FER1L5: variants seen among roughly 807,000 people sequenced by gnomAD.
The protein encoded by FER1L5 is fer-1-like protein 5.
FER1L5 carries 187 observed loss-of-function variants against 279.9 expected under a neutral mutation model. That is an observed-to-expected ratio of 0.67 (90% CI 0.59 to 0.75). FER1L5 has a LOEUF of 0.75. FER1L5 is among the 30% of genes least tolerant of loss of function. The pLI is 0.00. For missense variants in FER1L5, 2,091 were observed against 2,594.4 expected (o/e 0.81, Z 4.21); for synonymous variants, 921 against 989.7 (o/e 0.93, Z 1.30).
In FER1L5 at chr2:96,700,455, A is replaced by T; in HGVS notation, c.5054A>T (p.Gln1685Leu). The T allele has an allele frequency of 6.2e-7, 1 of 1,613,626 alleles. No individual in the cohort carries two copies. Among genetic ancestry groups the T allele is most frequent in the East Asian group, 2.2e-5 (1 of 44,872 alleles). Residue 1685 changes from glutamine (Q) to leucine (L), a missense_variant, in exon 45 of 53, where the codon CAG becomes CTG. Physicochemically the swap from Gln to Leu is moderately radical, Grantham distance 113 (BLOSUM62 -2). Transcript: ENST00000624922. Reference sequence around the variant, plus strand: ...ACCCGCACACTGTACAGCCACAGCCAGCCAGGCATCGACCAGGTATGAGAC... The same window carrying T: ...ACCCGCACACTGTACAGCCACAGCCTGCCAGGCATCGACCAGGTATGAGAC... ...VETRTLYSHSQPGIDQGKVQM... is the reference protein window; with the variant it reads ...VETRTLYSHSLPGIDQGKVQM...
At chr2:96,650,383 T>C (rs368306646) in intron 6 of FER1L5, 94 bp downstream of exon 6, 3 of 1,045,630 alleles carry the variant, frequency 2.9e-6, no homozygotes, top group East Asian at 2.6e-5. Context: ...AAGGTCATGG[T>C]AGAAGGGCAG....
intron 23 of FER1L5, among the ~76,000 whole-genome samples, chr2:96,686,871 A>AC (rs2076949074): frequency 6.6e-6 from 1 of 151,478 alleles, no homozygotes; most frequent in African/African-American, 2.4e-5. Context: ...AAAAAAAAAA[A>AC]AAAAAAAACA....
rs764358931 is a variant in FER1L5 at position 96,704,362 on chromosome 2, G to A, written c.5949G>A (p.Pro1983=). Residue 1983 remains proline (P), a splice_region_variant and synonymous_variant, in exon 52 of 53, where the codon CCG becomes CCA. Coordinates refer to ENST00000624922, the MANE Select transcript of FER1L5 (RefSeq NM_001293083.2). ...TGTTTAACTTCATCTATTCAGCTCCGGTGAGTGGCAGCCATGGGGGCAAGG... is the reference window on the plus strand; with the variant it reads ...TGTTTAACTTCATCTATTCAGCTCCAGTGAGTGGCAGCCATGGGGGCAAGG... ...LMLFNFIYSA[P]HYLAMSWIKP... is the part of the protein sequence containing the mutation. 20 of 1,613,582 alleles carry A rather than the reference G, an allele frequency of 1.2e-5. No homozygotes were observed. The highest frequency in any genetic ancestry group is 4.4e-5 in the South Asian group (4 of 91,060).
chr2:96,703,500 CCCCTCACCCAT>C lies in FER1L5; in HGVS notation c.5692-22_5692-12del, dbSNP rs772102262. The stretch of plus-strand genomic sequence containing the variant: ...GCTCCTGCTGTCTGCACTCAGCCTC[CCCCTCACCCAT>C]GGTGTTCCTAGGGCAAGGTGAAGAT... On this transcript the variant is annotated splice_polypyrimidine_tract_variant and intron_variant, in intron 50 of 52. Transcript: ENST00000624922. 3.7e-6 allele frequency: 6 copies of C among 1,613,320 alleles called. No individual in the cohort carries two copies. Among genetic ancestry groups the C allele is most frequent in the Non-Finnish European group, 5.1e-6 (6 of 1,179,334 alleles).
At chr2:96,672,099 AT>A (rs1220433080) in intron 18 of FER1L5, among the ~76,000 whole-genome samples, 1 of 152,054 alleles carries the variant, frequency 6.6e-6, no homozygotes, top group Non-Finnish European at 1.5e-5. Flanking sequence ...TTTTTTTGAG[AT>A]GGAGTTTTGC....
At position 96,642,931 on chromosome 2, in the gene FER1L5, T is replaced by A; in HGVS notation, c.85+10T>A. On this transcript the variant is annotated intron_variant, in intron 1 of 52. Coordinates refer to ENST00000624922, the MANE Select transcript of FER1L5 (RefSeq NM_001293083.2). ...TCCATCGACTTCAGAGGTGAGAGCC[T>A]CCCTGGGTCCACATGGGAGAGAGAA... The A allele has an allele frequency of 1.3e-6, 2 of 1,548,860 alleles. No individual in the cohort carries two copies. Among genetic ancestry groups the A allele is most frequent in the East Asian group, 4.9e-5 (2 of 40,638 alleles).
intron 5 of FER1L5, 27 bp downstream of exon 5, chr2:96,649,704 T>G: frequency 1.3e-6 from 2 of 1,550,318 alleles, no homozygotes; most frequent in Non-Finnish European, 1.7e-6. Context: ...AGCTTACCCT[T>G]AAGGGCCTAC....
chr2:96,690,204 G>A (rs921811743), intron 26 of FER1L5, among the ~76,000 whole-genome samples: 7 of 152,202 alleles, frequency 4.6e-5, no homozygotes, highest in African/African-American at 1.7e-4. Context: ...AGCCCCAGGC[G>A]GCTGGTGGCT....
chr2:96,643,148 T>C (rs2106394558), intron 1 of FER1L5, among the ~76,000 whole-genome samples: 1 of 152,278 alleles, frequency 6.6e-6, no homozygotes, highest in East Asian at 1.9e-4. Flanking sequence ...AGAGGACTAG[T>C]GCTTCTGGAC....
At chr2:96,687,011 T>C (rs1237229611) in intron 23 of FER1L5, among the ~76,000 whole-genome samples, 5 of 152,076 alleles carry the variant, frequency 3.3e-5, no homozygotes, top group Non-Finnish European at 4.4e-5. Flanking sequence ...TACCAGCCCA[T>C]CATATCAGAT....
intron 23 of FER1L5, among the ~76,000 whole-genome samples, chr2:96,686,879 A>C (rs146422601): frequency 6.7e-6 from 1 of 149,630 alleles, no homozygotes; most frequent in Non-Finnish European, 1.5e-5. Flanking sequence ...AAAAAAAAAA[A>C]CAGAAAACAA....
At position 96,704,702 on chromosome 2, in the gene FER1L5, G is replaced by A. The variant is rs2077722862; in HGVS notation, c.*10G>A. 1 of 1,610,714 alleles carries A rather than the reference G, an allele frequency of 6.2e-7. No homozygotes were observed. On this transcript the variant is annotated 3_prime_UTR_variant, in exon 53 of 53. Coordinates refer to ENST00000624922, the MANE Select transcript of FER1L5 (RefSeq NM_001293083.2). ...AGCCCCAGGAGACTAATTAGTCCAT[G>A]CTGCCTGGCTTTCCTCCTGCTACCA... is the stretch of plus-strand genomic sequence containing the variant.
In FER1L5 at chr2:96,689,516, C is replaced by T. The variant is rs2077060128; in HGVS notation, c.2526-128C>T. 6.9e-7 allele frequency: 1 copy of T among 1,447,130 alleles called. No individual in the cohort carries two copies. Among genetic ancestry groups the T allele is most frequent in the East Asian group, 2.5e-5 (1 of 40,378 alleles). The allele number at this position is 1,447,130 out of a possible 1,614,324, so 89.6% of individuals were successfully genotyped here. On this transcript the variant is annotated intron_variant, in intron 25 of 52. Coordinates refer to ENST00000624922, the MANE Select transcript of FER1L5 (RefSeq NM_001293083.2). The surrounding 1 kb of genome is among the most constrained non-coding windows in gnomAD (Gnocchi z 4.6). ...GGTGCACCAGGCCAAGGGCCCTGCC[C>T]ACCACCCTGTCCTGCCCAGAGCAGG...
At chr2:96,661,904 A>G in intron 12 of FER1L5, 113 bp downstream of exon 12, 1 of 1,416,506 alleles carries the variant, frequency 7.1e-7, no homozygotes, top group Non-Finnish European at 9.5e-7. Flanking sequence ...TGTTTGGGGT[A>G]GGGGGGACAG....
intron 45 of FER1L5, among the ~76,000 whole-genome samples, chr2:96,701,517 G>C (rs2077585344): frequency 6.6e-6 from 1 of 151,872 alleles, no homozygotes; most frequent in African/African-American, 2.4e-5. Flanking sequence ...ATACCCTTAG[G>C]TTGTAGTTCA....
Position 96,695,613 on chromosome 2 carries a change from G to A in FER1L5, c.3846G>A (p.Gln1282=). 1 of 1,603,932 alleles carries A rather than the reference G, an allele frequency of 6.2e-7. No homozygotes were observed. The highest frequency in any genetic ancestry group is 8.5e-7 in the Non-Finnish European group (1 of 1,175,340). The change falls in exon 35 of 53, where the codon CAG becomes CAA. Residue 1282 remains glutamine (Q), a synonymous_variant. Coordinates refer to ENST00000624922, the MANE Select transcript of FER1L5 (RefSeq NM_001293083.2). The part of the protein sequence containing the change: ...SLRTEPIRDF[Q]TNPNFPESES... ...GGACAGAACCCATCAGGGACTTTCA[G>A]ACCAACCCCAACTTCCCCGAGTCTG...
In FER1L5 at chr2:96,670,099, T is replaced by C; in HGVS notation, c.1363-20T>C. On this transcript the variant is annotated intron_variant, in intron 17 of 52. Coordinates refer to ENST00000624922, the MANE Select transcript of FER1L5 (RefSeq NM_001293083.2). ...TTTTTCTCTCACCCCTTTTCTCCGT[T>C]TTCCTCTCGCTTGCCCTAGTGTATT... The C allele has an allele frequency of 6.4e-7, 1 of 1,551,422 alleles. No individual in the cohort carries two copies. Among genetic ancestry groups the C allele is most frequent in the Non-Finnish European group, 8.7e-7 (1 of 1,146,864 alleles).
chr2:96,687,013 A>C (rs577675917), intron 23 of FER1L5, among the ~76,000 whole-genome samples: 1 of 152,270 alleles, frequency 6.6e-6, no homozygotes, highest in Admixed American at 6.5e-5. Context: ...CCAGCCCATC[A>C]TATCAGATGC....
intron 14 of FER1L5, among the ~76,000 whole-genome samples, chr2:96,668,239 C>A (rs1212189125): frequency 6.6e-6 from 1 of 152,130 alleles, no homozygotes; most frequent in Non-Finnish European, 1.5e-5. Context: ...AAATGGGAGG[C>A]CCAGCTGGGC....
Sources: gnomAD v4.1 joint callset for allele counts (sites outside exome capture counted in the v4.1 genomes callset) on GRCh38, gnomAD v4.1.1 for gene constraint, Gnocchi (gnomAD v3.1) non-coding constraint, MANE v1.5 for transcripts, NCBI Gene and HGNC (gene_info 2026-07-23, HGNC 2026-07-21) for gene names.